GRB10: variants seen among roughly 807,000 people sequenced by gnomAD.
The protein encoded by GRB10 is growth factor receptor bound protein 10.
Under a neutral mutation model 80.9 loss-of-function variants are expected in GRB10, and 20 were observed. The observed-to-expected ratio is 0.25, with a 90% CI of 0.17 to 0.36. The LOEUF is 0.36. Among genes scored for constraint, GRB10 ranks in the 10% least tolerant of loss-of-function variants. The probability of loss-of-function intolerance (pLI) is 1.00; values close to 1 mark genes in which losing one functional copy is unlikely to be tolerated. For missense variants in GRB10, 548 were observed against 747.7 expected (o/e 0.73, Z 3.12); for synonymous variants, 291 against 291.5 (o/e 1.00, Z 0.02).
chr7:50,703,230 T>C (rs745441907), intron 5 of GRB10, among the ~76,000 whole-genome samples: 2 of 152,372 alleles, frequency 1.3e-5, no homozygotes, highest in South Asian at 2.1e-4. Context: ...TGTGATTTAC[T>C]GTACTTAAAC....
At chr7:50,710,437 C>T (rs973127086) in intron 4 of GRB10, among the ~76,000 whole-genome samples, 1 of 152,228 alleles carries the variant, frequency 6.6e-6, no homozygotes, top group African/African-American at 2.4e-5. Context: ...TCAACTAGAG[C>T]ATCAAATGCA....
intron 5 of GRB10, among the ~76,000 whole-genome samples, chr7:50,677,711 G>A (rs1006260487): frequency 5.9e-5 from 9 of 152,276 alleles, no homozygotes; most frequent in Non-Finnish European, 1.0e-4. Context: ...TTAACTTACC[G>A]TATTAACAGC....
At chr7:50,617,974 G>T in intron 10 of GRB10, 97 bp downstream of exon 10, 3 of 1,012,494 alleles carry the variant, frequency 3.0e-6, no homozygotes, top group Non-Finnish European at 3.2e-6. Context: ...GGTGAAAGAT[G>T]CGATCTCTTT....
upstream of GRB10, among the ~76,000 whole-genome samples, chr7:50,786,266 A>C (rs1464208826): frequency 7.2e-5 from 11 of 152,192 alleles, no homozygotes; most frequent in Non-Finnish European, 1.5e-4. Context: ...CTAAAAACCA[A>C]ATAACTGCCA....
chr7:50,634,940 G>A (rs2054675642), intron 7 of GRB10, among the ~76,000 whole-genome samples: 3 of 152,166 alleles, frequency 2.0e-5, no homozygotes, highest in Admixed American at 2.0e-4. Flanking sequence ...CCATAATAGT[G>A]GGGGGCTACA....
At chr7:50,734,737 A>C (rs6968827) in intron 3 of GRB10, among the ~76,000 whole-genome samples, 1 of 152,070 alleles carries the variant, frequency 6.6e-6, no homozygotes, top group Non-Finnish European at 1.5e-5. Flanking sequence ...TGTGTGTCCC[A>C]TAAGCCCAGT....
intron 5 of GRB10, among the ~76,000 whole-genome samples, chr7:50,694,899 G>A (rs1174317092): frequency 1.3e-5 from 2 of 152,186 alleles, no homozygotes; most frequent in Non-Finnish European, 2.9e-5. Context: ...CAAGAGGAAT[G>A]CCATGATAGC....
chr7:50,626,191 T>C (rs2052853644), intron 8 of GRB10, among the ~76,000 whole-genome samples: 1 of 152,214 alleles, frequency 6.6e-6, no homozygotes, highest in African/African-American at 2.4e-5. Context: ...CTTCAAATAT[T>C]CTGTGATACA....
At position 50,604,331 on chromosome 7, in the gene GRB10, T is replaced by A; in HGVS notation, c.1436A>T (p.His479Leu). ...TTTACCTGTACTTAGGGTAGAAGGG[T>A]GGAGGGGACTTTGGCTACCTAGGAT... is the stretch of plus-strand genomic sequence containing the variant. ...MNILGSQSPL[H>L]PSTLSTVIHR... is the part of the protein sequence containing the mutation. The change falls in exon 16 of 19, where the codon CAC becomes CTC. Residue 479 changes from histidine to leucine, a missense_variant. Coordinates refer to ENST00000401949, the MANE Select transcript of GRB10 (RefSeq NM_001350814.2). The A allele has an allele frequency of 1.2e-6, 2 of 1,613,368 alleles. No individual in the cohort carries two copies. The highest frequency in any genetic ancestry group is 1.7e-6 in the Non-Finnish European group (2 of 1,179,688).
chr7:50,699,543 A>G (rs563676540), intron 5 of GRB10, among the ~76,000 whole-genome samples: 1 of 152,198 alleles, frequency 6.6e-6, no homozygotes, highest in African/African-American at 2.4e-5. Flanking sequence ...ATTCTGACAT[A>G]TTCAGTGTGT....
intron 12 of GRB10, among the ~76,000 whole-genome samples, chr7:50,613,485 T>C (rs555783341): frequency 1.3e-5 from 2 of 152,060 alleles, no homozygotes; most frequent in East Asian, 1.9e-4. Flanking sequence ...GGGAGGAGAA[T>C]TGTTGCAGGC....
intron 8 of GRB10, 59 bp downstream of exon 8, chr7:50,626,763 C>G (rs1010967796): frequency 7.5e-6 from 12 of 1,598,180 alleles, no homozygotes; most frequent in Non-Finnish European, 1.0e-5. Flanking sequence ...CAGCAGCAGT[C>G]TTCATTCAAT....
chr7:50,735,494 G>A (rs2329491), intron 3 of GRB10, among the ~76,000 whole-genome samples: 122,298 of 152,134 alleles, frequency 0.8, 49,331 homozygotes, highest in Middle Eastern at 0.87. Flanking sequence ...GGCTAAGATT[G>A]AAAGGGGATG....
At chr7:50,614,985 C>T (rs2050298135) in intron 11 of GRB10, 105 bp from the exon 12 acceptor site, 1 of 759,930 alleles carries the variant, frequency 1.3e-6, no homozygotes, top group East Asian at 2.5e-5. Context: ...AGCACTTTCC[C>T]CGATGACACT....
chr7:50,653,450 G>A (rs556493051), intron 7 of GRB10, among the ~76,000 whole-genome samples: 1 of 152,240 alleles, frequency 6.6e-6, no homozygotes, highest in East Asian at 1.9e-4. Context: ...GGACAGCCAA[G>A]AGAGTGGGGG....
chr7:50,743,639 G>A (rs1420922225), intron 3 of GRB10, among the ~76,000 whole-genome samples: 1 of 152,188 alleles, frequency 6.6e-6, no homozygotes, highest in Non-Finnish European at 1.5e-5. Context: ...TATGCTCTCC[G>A]CAAATCCAGA....
chr7:50,763,270 G>A (rs146166360), intron 2 of GRB10, among the ~76,000 whole-genome samples: 1 of 152,302 alleles, frequency 6.6e-6, no homozygotes, highest in East Asian at 1.9e-4. Context: ...TTGCAAAACA[G>A]ACATGTGAAA....
intron 7 of GRB10, among the ~76,000 whole-genome samples, chr7:50,667,676 AGAAC>A (rs1343061015): frequency 6.6e-6 from 1 of 151,928 alleles, no homozygotes; most frequent in African/African-American, 2.4e-5. Flanking sequence ...AAAAAAAAAA[AGAAC>A]AAAGAACAAG....
chr7:50,648,842 C>A (rs1298546391), intron 7 of GRB10, among the ~76,000 whole-genome samples: 1 of 152,172 alleles, frequency 6.6e-6, no homozygotes. Flanking sequence ...CTCTCCCGCT[C>A]CACTAGGAGA....
Sources: allele counts gnomAD v4.1 joint callset (sites outside exome capture counted in the v4.1 genomes callset), GRCh38; gene constraint gnomAD v4.1.1; transcripts MANE v1.5; gene names NCBI Gene and HGNC (gene_info 2026-07-23, HGNC 2026-07-21).